Variants in TSNARE1 observed in about 807,000 individuals in gnomAD.
TSNARE1 encodes the protein t-SNARE domain containing 1.
Under a neutral mutation model 62.0 loss-of-function variants are expected in TSNARE1, and 49 were observed. The observed-to-expected ratio is 0.79, with a 90% CI of 0.63 to 1.00. The LOEUF (loss-of-function observed/expected upper bound fraction) is 1.00, where lower values mean the gene tolerates loss of function less well. Among genes scored for constraint, TSNARE1 ranks in the 50% least tolerant of loss-of-function variants. The pLI, the probability that TSNARE1 is intolerant of heterozygous loss-of-function variation, is 0.00. For missense variants in TSNARE1, 755 were observed against 700.1 expected (o/e 1.08, Z -0.88); for synonymous variants, 328 against 294.4 (o/e 1.11, Z -1.17).
At chr8:142,357,407 G>A (rs1834829644) in intron 1 of TSNARE1, among the ~76,000 whole-genome samples, 1 of 152,210 alleles carries the variant, frequency 6.6e-6, no homozygotes, top group Non-Finnish European at 1.5e-5. Flanking sequence ...AAATGATGGT[G>A]GGGCGCTGGT....
chr8:142,361,159 G>A (rs1835122924), intron 1 of TSNARE1, among the ~76,000 whole-genome samples: 1 of 152,204 alleles, frequency 6.6e-6, no homozygotes, highest in Non-Finnish European at 1.5e-5. Context: ...CTCACCTTCG[G>A]GCACGCGTTC....
rs542849455 is a variant in TSNARE1, at chr8:142,291,110, G to C, written c.1291-6625C>G. 1.3e-5 allele frequency among the ~76,000 whole-genome samples: 2 copies of C among 152,168 alleles called. No individual in the cohort carries two copies. The highest frequency in any genetic ancestry group is 1.3e-4 in the Admixed American group (2 of 15,292). On this transcript the variant is annotated intron_variant, in intron 10 of 13. Coordinates refer to ENST00000524325, the MANE Select transcript of TSNARE1 (RefSeq NM_145003.5). This position sits in a 1 kb window ranked among gnomAD's most constrained non-coding sequence, Gnocchi z 4.8. ...GCTCGCCACCCGCTGCTCAGGACTG[G>C]TGTCCTCAGCTGGGGATTAAGTCAC...
At chr8:142,308,562 G>A (rs1827069531) in intron 9 of TSNARE1, among the ~76,000 whole-genome samples, 2 of 152,162 alleles carry the variant, frequency 1.3e-5, no homozygotes, top group African/African-American at 2.4e-5. Context: ...GCGTTGGTGT[G>A]TCCATAGGCT....
intron 6 of TSNARE1, among the ~76,000 whole-genome samples, chr8:142,327,576 G>A (rs1830441133): frequency 6.6e-6 from 1 of 152,186 alleles, no homozygotes; most frequent in South Asian, 2.1e-4. Flanking sequence ...GGGCACTCCG[G>A]GAGGTCAGCT....
intron 12 of TSNARE1, chr8:142,274,539 T>C: frequency 1.0e-6 from 1 of 985,244 alleles, no homozygotes. Context: ...GGCGGCGTGG[T>C]GCATACAAGA....
At chr8:142,339,486 G>A (rs1333027345) in intron 4 of TSNARE1, among the ~76,000 whole-genome samples, 1 of 152,166 alleles carries the variant, frequency 6.6e-6, no homozygotes, top group Non-Finnish European at 1.5e-5. Flanking sequence ...GGCCAGGAGG[G>A]GCAGCTCAGA....
At chr8:142,277,451 G>A (rs1454918587) in intron 11 of TSNARE1, 3 of 985,298 alleles carry the variant, frequency 3.0e-6, no homozygotes, top group South Asian at 4.7e-5. Context: ...CAGCCCTGCA[G>A]GCCTGGCCCT....
chr8:142,262,213 C>G (rs1393861827), intron 12 of TSNARE1, among the ~76,000 whole-genome samples: 1 of 152,142 alleles, frequency 6.6e-6, no homozygotes, highest in Non-Finnish European at 1.5e-5. Context: ...ACTTTATAAT[C>G]AGCCTGCCAA....
chr8:142,356,269 G>C lies in TSNARE1; in HGVS notation c.-39-1506C>G, dbSNP rs114500454. On this transcript the variant is annotated intron_variant, in intron 1 of 13. Coordinates refer to ENST00000524325, the MANE Select transcript of TSNARE1 (RefSeq NM_145003.5). ...CGGCCCCACGCAGAGAGGCAGCAGGGAGAGTGGTCCTCAGCCCCTCTCTCC... is the reference window on the plus strand; with the variant it reads ...CGGCCCCACGCAGAGAGGCAGCAGGCAGAGTGGTCCTCAGCCCCTCTCTCC... 6.0e-3 allele frequency among the ~76,000 whole-genome samples: 915 copies of C among 152,266 alleles called. 10 individuals carry two copies. The highest frequency in any genetic ancestry group is 0.021 in the African/African-American group (858 of 41,538).
At chr8:142,302,691 C>T (rs1825980477) in intron 9 of TSNARE1, among the ~76,000 whole-genome samples, 1 of 152,216 alleles carries the variant, frequency 6.6e-6, no homozygotes, top group African/African-American at 2.4e-5. Flanking sequence ...GCAGTGTGGA[C>T]AGCTTTGCCA....
intron 12 of TSNARE1, among the ~76,000 whole-genome samples, chr8:142,259,684 A>G (rs1444780629): frequency 6.6e-6 from 1 of 152,152 alleles, no homozygotes; most frequent in African/African-American, 2.4e-5. Context: ...GTCCCCCACA[A>G]GCAGCCTCTT....
chr8:142,308,860 C>G (rs1287306787), intron 9 of TSNARE1, among the ~76,000 whole-genome samples: 4 of 152,158 alleles, frequency 2.6e-5, no homozygotes, highest in Admixed American at 6.5e-5. Context: ...TGGGTGAGAG[C>G]TGACATCTCC....
intron 12 of TSNARE1, chr8:142,273,573 C>G (rs772577551): frequency 1.0e-4 from 101 of 985,296 alleles, no homozygotes; most frequent in Non-Finnish European, 1.1e-4. Flanking sequence ...TGTCTCCCGG[C>G]CTGGCGTTCA....
At chr8:142,398,884 T>C (rs1838091630) in intron 1 of TSNARE1, among the ~76,000 whole-genome samples, 1 of 152,138 alleles carries the variant, frequency 6.6e-6, no homozygotes, top group South Asian at 2.1e-4. Flanking sequence ...AAGGGCCCTG[T>C]GCAGCACAGT....
chr8:142,279,594 G>C (rs981058954), intron 11 of TSNARE1, among the ~76,000 whole-genome samples: 1 of 152,232 alleles, frequency 6.6e-6, no homozygotes, highest in African/African-American at 2.4e-5. Flanking sequence ...ACAATGCTTG[G>C]CAATGCAGGG....
intron 1 of TSNARE1, among the ~76,000 whole-genome samples, chr8:142,381,289 C>A (rs1038936321): frequency 2.6e-5 from 4 of 152,268 alleles, no homozygotes; most frequent in Non-Finnish European, 4.4e-5. Flanking sequence ...CAGCCACCTC[C>A]ATATGGCCAG....
intron 1 of TSNARE1, among the ~76,000 whole-genome samples, chr8:142,393,809 C>A (rs1837712220): frequency 6.6e-6 from 1 of 152,228 alleles, no homozygotes; most frequent in African/African-American, 2.4e-5. Flanking sequence ...GCACAAGCTG[C>A]CTGGCTACGT....
At chr8:142,270,734 T>C (rs532850330) in intron 12 of TSNARE1, 805 of 985,350 alleles carry the variant, frequency 8.2e-4, no homozygotes, top group Non-Finnish European at 9.4e-4. Flanking sequence ...TCAGTGCATC[T>C]TCCCCACCTC....
chr8:142,275,514 C>T lies in TSNARE1; in HGVS notation c.1364-651G>A, dbSNP rs557742044. The T allele has an allele frequency of 4.8e-5, 47 of 985,422 alleles. No homozygotes were observed. In the East Asian group the frequency reaches 1.4e-3, roughly 29 times the overall value. The allele number at this position is 985,422 out of a possible 1,614,324, so 61.0% of individuals were successfully genotyped here. ...CAGGGCCGGGGCAGCCCCAGGGATCCGGAAGATTCCATGCTCAGCATTGTC... is the reference window on the plus strand; with the variant it reads ...CAGGGCCGGGGCAGCCCCAGGGATCTGGAAGATTCCATGCTCAGCATTGTC... On this transcript the variant is annotated intron_variant, in intron 11 of 13. Transcript: ENST00000524325.
Sources: allele counts gnomAD v4.1 joint callset (sites outside exome capture counted in the v4.1 genomes callset), GRCh38; gene constraint gnomAD v4.1.1; non-coding constraint Gnocchi (gnomAD v3.1); transcripts MANE v1.5; gene names NCBI Gene and HGNC (gene_info 2026-07-23, HGNC 2026-07-21).